The following PACSIN2 variants were observed in gnomAD, a reference collection of about 807,000 sequenced individuals.
PACSIN2 encodes the protein protein kinase C and casein kinase substrate in neurons protein 2.
A neutral mutation model predicts 63.8 loss-of-function variants in PACSIN2; 25 were observed. The observed-to-expected ratio is 0.39, with a 90% CI of 0.29 to 0.55. The LOEUF (loss-of-function observed/expected upper bound fraction) is 0.55. Among genes scored for constraint, PACSIN2 ranks in the 20% least tolerant of loss-of-function variants. PACSIN2 has a pLI of 0.62. For missense variants in PACSIN2, 518 were observed against 646.9 expected (o/e 0.80, Z 2.16); for synonymous variants, 255 against 256.2 (o/e 1.00, Z 0.05).
intron 1 of PACSIN2, among the ~76,000 whole-genome samples, chr22:42,951,355 T>C (rs1933683296): frequency 6.6e-6 from 1 of 152,096 alleles, no homozygotes; most frequent in Admixed American, 6.5e-5. Context: ...TGCCCAGGGC[T>C]CAGCCTCCTC....
intron 2 of PACSIN2, among the ~76,000 whole-genome samples, chr22:42,894,311 G>A (rs548118968): frequency 5.6e-4 from 86 of 152,214 alleles, no homozygotes; most frequent in African/African-American, 1.9e-3. Flanking sequence ...CACGATCTCG[G>A]CTCACTGCAA....
intron 1 of PACSIN2, among the ~76,000 whole-genome samples, chr22:42,926,694 G>A (rs973427559): frequency 1.4e-4 from 22 of 151,880 alleles, no homozygotes; most frequent in African/African-American, 5.1e-4. Context: ...AATCATTCTG[G>A]AGCTGAGTGC....
intron 1 of PACSIN2, among the ~76,000 whole-genome samples, chr22:42,935,398 C>T (rs1484601971): frequency 6.6e-6 from 1 of 152,146 alleles, no homozygotes; most frequent in Non-Finnish European, 1.5e-5. Context: ...CAGACTGCCC[C>T]TCTTCCACAT....
intron 1 of PACSIN2, among the ~76,000 whole-genome samples, chr22:42,982,881 A>AAAAAAAC (rs1922300053): frequency 7.5e-6 from 1 of 134,160 alleles, no homozygotes; most frequent in East Asian, 2.2e-4. Context: ...AAAAAAAAAA[A>AAAAAAAC]AAAAAAAAAC....
At chr22:42,980,704 G>C (rs1448862057) in intron 1 of PACSIN2, among the ~76,000 whole-genome samples, 1 of 105,566 alleles carries the variant, frequency 9.5e-6, no homozygotes, top group Non-Finnish European at 2.0e-5. Context: ...GGCCGGGCTG[G>C]TCTCCAGCTC....
chr22:43,004,297 A>G (rs1459914334), intron 1 of PACSIN2, among the ~76,000 whole-genome samples: 1 of 152,180 alleles, frequency 6.6e-6, no homozygotes, highest in African/African-American at 2.4e-5. Context: ...AAGCTTCTTG[A>G]ATGGTCCCTC....
intron 1 of PACSIN2, among the ~76,000 whole-genome samples, chr22:42,962,775 C>CGGGGGG (rs1555936911): frequency 4.3e-4 from 7 of 16,410 alleles, no homozygotes; most frequent in African/African-American, 1.1e-3. Flanking sequence ...AAGGTGTGGG[C>CGGGGGG]GGGGGGGGGG....
At chr22:43,009,343 T>C (rs912111092) in intron 1 of PACSIN2, among the ~76,000 whole-genome samples, 2 of 152,196 alleles carry the variant, frequency 1.3e-5, no homozygotes, top group East Asian at 1.9e-4. Context: ...TGAAAGTGCT[T>C]TGGAATGTGC....
At chr22:42,877,308 G>C (rs969705543) in intron 8 of PACSIN2, among the ~76,000 whole-genome samples, 2 of 152,152 alleles carry the variant, frequency 1.3e-5, no homozygotes, top group African/African-American at 4.8e-5. Context: ...GCCACAGCTG[G>C]AGCAAAAGTC....
intron 5 of PACSIN2, among the ~76,000 whole-genome samples, chr22:42,885,509 GAGGA>G (rs1929409531): frequency 1.3e-5 from 2 of 152,112 alleles, no homozygotes; most frequent in Non-Finnish European, 2.9e-5. Flanking sequence ...AGGGCCTTCT[GAGGA>G]AGGATGGAGC....
chr22:43,003,220 T>C (rs1923874544), intron 1 of PACSIN2, among the ~76,000 whole-genome samples: 1 of 152,202 alleles, frequency 6.6e-6, no homozygotes, highest in African/African-American at 2.4e-5. Flanking sequence ...ACTCAGAACA[T>C]TGTTTTCTAT....
At chr22:43,008,308 T>C (rs1458485024) in intron 1 of PACSIN2, among the ~76,000 whole-genome samples, 4 of 152,148 alleles carry the variant, frequency 2.6e-5, no homozygotes, top group Non-Finnish European at 5.9e-5. Context: ...TGGAGTGCAG[T>C]GGCACAATCT....
chr22:42,890,648 C>T (rs1490265292), intron 4 of PACSIN2, among the ~76,000 whole-genome samples: 1 of 152,182 alleles, frequency 6.6e-6, no homozygotes, highest in African/African-American at 2.4e-5. Flanking sequence ...CCAGGAGGCA[C>T]AGGTTGCAGT....
At chr22:42,986,709 C>G (rs1922639551) in intron 1 of PACSIN2, among the ~76,000 whole-genome samples, 1 of 152,094 alleles carries the variant, frequency 6.6e-6, no homozygotes, top group Admixed American at 6.5e-5. Flanking sequence ...GGCTTTTGTG[C>G]TATGACCTGA....
intron 1 of PACSIN2, among the ~76,000 whole-genome samples, chr22:42,988,146 A>G (rs536151773): frequency 4.3e-4 from 66 of 152,294 alleles, no homozygotes; most frequent in African/African-American, 1.5e-3. Context: ...CAAAAACAAA[A>G]TAAATAAATA....
In PACSIN2 at chr22:42,984,676, G is replaced by A. The variant is rs544260167; in HGVS notation, c.-78+30345C>T. 2.9e-4 allele frequency among the ~76,000 whole-genome samples: 44 copies of A among 152,298 alleles called. No homozygotes were observed. In the South Asian group the frequency reaches 9.1e-3, roughly 32 times the overall value. ...GAATAAGGAGCAGGGTAAACCAGAA[G>A]GAAAGGAAAATGAAATTTCTCTTAC... is the stretch of plus-strand genomic sequence containing the variant. On this transcript the variant is annotated intron_variant, in intron 1 of 10. Transcript: ENST00000263246.
chr22:42,955,810 C>T (rs781675451), intron 1 of PACSIN2, among the ~76,000 whole-genome samples: 11 of 152,196 alleles, frequency 7.2e-5, no homozygotes, highest in South Asian at 4.1e-4. Flanking sequence ...TTTCTGTCTT[C>T]CAAATCAATA....
intron 1 of PACSIN2, among the ~76,000 whole-genome samples, chr22:42,929,089 T>C (rs112577247): frequency 2.6e-5 from 4 of 152,360 alleles, no homozygotes; most frequent in African/African-American, 4.8e-5. Context: ...TGAGCATGGC[T>C]GCAAAGATCC....
At chr22:42,961,981 C>G (rs980051877) in intron 1 of PACSIN2, among the ~76,000 whole-genome samples, 11 of 152,278 alleles carry the variant, frequency 7.2e-5, no homozygotes, top group South Asian at 4.1e-4. Context: ...GTTAAATCCA[C>G]GGCACCATCA....
Sources: allele counts gnomAD v4.1 joint callset (sites outside exome capture counted in the v4.1 genomes callset), GRCh38; gene constraint gnomAD v4.1.1; transcripts MANE v1.5; gene names NCBI Gene and HGNC (gene_info 2026-07-23, HGNC 2026-07-21).